KANK1: variants seen among roughly 807,000 people sequenced by gnomAD.
The protein encoded by KANK1 is KN motif and ankyrin repeat domains 1.
KANK1 carries 109 observed loss-of-function variants against 106.2 expected under a neutral mutation model. That is an observed-to-expected ratio of 1.03 (90% CI 0.88 to 1.20). KANK1 has a LOEUF of 1.20. KANK1 is among the 50% of genes most tolerant of loss of function. The probability of loss-of-function intolerance (pLI) is 0.00; values close to 1 mark genes in which losing one functional copy is unlikely to be tolerated. For missense variants in KANK1, 2,399 were observed against 1,710.7 expected (o/e 1.40, Z -7.10); for synonymous variants, 873 against 652.2 (o/e 1.34, Z -5.16).
chr9:657,707 G>A (rs1009579006), intron 1 of KANK1, among the ~76,000 whole-genome samples: 10 of 152,198 alleles, frequency 6.6e-5, no homozygotes, highest in African/African-American at 2.2e-4. Flanking sequence ...CGTATGCTGC[G>A]TTGGTAACAT....
chr9:660,679 A>G (rs1292174947), intron 1 of KANK1, among the ~76,000 whole-genome samples: 1 of 152,138 alleles, frequency 6.6e-6, no homozygotes, highest in Non-Finnish European at 1.5e-5. Context: ...TCCCTGCCCT[A>G]AGAGACTGTC....
chr9:590,432 C>G (rs778953886), intron 1 of KANK1, among the ~76,000 whole-genome samples: 1 of 152,094 alleles, frequency 6.6e-6, no homozygotes, highest in African/African-American at 2.4e-5. Context: ...CTTTACCAGA[C>G]AGTTTAGTGT....
chr9:556,767 T>A (rs542739604), intron 1 of KANK1, among the ~76,000 whole-genome samples: 1 of 152,350 alleles, frequency 6.6e-6, no homozygotes, highest in South Asian at 2.1e-4. Flanking sequence ...TTTTTCCACT[T>A]TCTTGGGCCA....
intron 1 of KANK1, among the ~76,000 whole-genome samples, chr9:509,961 C>T (rs2058956631): frequency 6.7e-6 from 1 of 149,320 alleles, no homozygotes; most frequent in Admixed American, 6.6e-5. Flanking sequence ...CCACTGCACT[C>T]AGCTAATTTT....
chr9:547,077 G>C (rs185190781), intron 1 of KANK1, among the ~76,000 whole-genome samples: 3 of 152,308 alleles, frequency 2.0e-5, no homozygotes, highest in Admixed American at 1.3e-4. Context: ...GGGCTGATGC[G>C]GAGGAGGAGA....
At chr9:583,210 A>G (rs552494238) in intron 1 of KANK1, among the ~76,000 whole-genome samples, 2 of 152,334 alleles carry the variant, frequency 1.3e-5, no homozygotes, top group South Asian at 2.1e-4. Flanking sequence ...TTTAGGATCA[A>G]TACAGAGCTT....
chr9:618,796 T>C (rs1370984708), intron 1 of KANK1, among the ~76,000 whole-genome samples: 1 of 152,140 alleles, frequency 6.6e-6, no homozygotes, highest in Non-Finnish European at 1.5e-5. Context: ...GCACACTGGG[T>C]GAACAGGCGG....
At chr9:574,331 C>T (rs1819975810) in intron 1 of KANK1, among the ~76,000 whole-genome samples, 1 of 152,168 alleles carries the variant, frequency 6.6e-6, no homozygotes, top group African/African-American at 2.4e-5. Context: ...ATTCCTTTGG[C>T]ATATTTTAAT....
At chr9:579,736 A>C (rs1821539467) in intron 1 of KANK1, among the ~76,000 whole-genome samples, 1 of 152,182 alleles carries the variant, frequency 6.6e-6, no homozygotes, top group Admixed American at 6.5e-5. Flanking sequence ...AGTAGCTTGC[A>C]TAGATGGAAC....
chr9:476,375 G>A (rs1027057895), intron 3 of KANK1, among the ~76,000 whole-genome samples: 3 of 152,016 alleles, frequency 2.0e-5, no homozygotes, highest in Admixed American at 6.5e-5. Context: ...ACAAACATTA[G>A]CCGAGCATGG....
At chr9:515,834 C>T (rs762290698) in intron 1 of KANK1, among the ~76,000 whole-genome samples, 2 of 151,778 alleles carry the variant, frequency 1.3e-5, no homozygotes, top group African/African-American at 4.9e-5. Context: ...GTTCTTGTCA[C>T]TTCTTAGCAA....
chr9:705,379 G>A (rs180833789), intron 2 of KANK1, among the ~76,000 whole-genome samples: 4 of 152,056 alleles, frequency 2.6e-5, no homozygotes, highest in Non-Finnish European at 4.4e-5. Flanking sequence ...CCAGCTCCTC[G>A]GGAGGACGAG....
At chr9:509,691 C>G (rs1304094002) in intron 1 of KANK1, among the ~76,000 whole-genome samples, 1 of 152,206 alleles carries the variant, frequency 6.6e-6, no homozygotes, top group African/African-American at 2.4e-5. Context: ...TTACCTCCCT[C>G]TTGGGTATTT....
chr9:624,170 A>G (rs943531183), intron 1 of KANK1, among the ~76,000 whole-genome samples: 1 of 152,308 alleles, frequency 6.6e-6, no homozygotes, highest in Non-Finnish European at 1.5e-5. Flanking sequence ...TATGTAGAAT[A>G]TAAAAACGTT....
At chr9:621,372 G>C (rs1833108125) in intron 1 of KANK1, among the ~76,000 whole-genome samples, 2 of 152,106 alleles carry the variant, frequency 1.3e-5, no homozygotes, top group African/African-American at 4.8e-5. Context: ...TATGCACTGA[G>C]TCTGGTTTCA....
intron 1 of KANK1, among the ~76,000 whole-genome samples, chr9:512,412 G>A (rs2059074972): frequency 6.6e-6 from 1 of 152,032 alleles, no homozygotes; most frequent in South Asian, 2.1e-4. Flanking sequence ...CCAGCTCAGG[G>A]AGGCCGGTCT....
intron 1 of KANK1, among the ~76,000 whole-genome samples, chr9:560,252 A>G (rs1055815118): frequency 6.6e-6 from 1 of 152,230 alleles, no homozygotes; most frequent in African/African-American, 2.4e-5. Flanking sequence ...ATCAGAATAA[A>G]AAAACTACAT....
intron 1 of KANK1, among the ~76,000 whole-genome samples, chr9:666,125 G>A (rs757172377): frequency 6.6e-6 from 1 of 151,984 alleles, no homozygotes; most frequent in Non-Finnish European, 1.5e-5. Context: ...AGACTGCAGT[G>A]CTCACTGCAT....
chr9:739,354 C>A (rs886199169), intron 8 of KANK1, among the ~76,000 whole-genome samples: 1 of 152,164 alleles, frequency 6.6e-6, no homozygotes, highest in Non-Finnish European at 1.5e-5. Flanking sequence ...ATCATACTGT[C>A]CAATTTTCTG....
Sources: gnomAD v4.1 joint callset for allele counts (sites outside exome capture counted in the v4.1 genomes callset) on GRCh38, gnomAD v4.1.1 for gene constraint, MANE v1.5 for transcripts, NCBI Gene and HGNC (gene_info 2026-07-23, HGNC 2026-07-21) for gene names.